IL11: variants seen among roughly 807,000 people sequenced by gnomAD.
IL11 encodes the protein interleukin-11.
In IL11, 17 loss-of-function variants were observed where a neutral mutation model predicts 18.1. That is an observed-to-expected ratio of 0.94 (90% confidence interval 0.64 to 1.41). The LOEUF is 1.41. Ranked by LOEUF, IL11 falls within the 40% of genes most tolerant of loss-of-function variation. The pLI is 0.00. For missense variants in IL11, 309 were observed against 262.8 expected, an observed-to-expected ratio of 1.18 and a Z score of -1.22; for synonymous variants, 144 against 134.1, an observed-to-expected ratio of 1.07 and a Z score of -0.51.
chr19:55,368,630 C>T, intron 2 of IL11, 61 bp from the exon 3 acceptor site: 1 of 1,519,178 alleles, frequency 6.6e-7, no homozygotes, highest in Non-Finnish European at 8.9e-7. Flanking sequence ...CTCCATCCCC[C>T]ACGCCAGGCC....
chr19:55,370,181 C>T, intron 1 of IL11, 123 bp downstream of exon 1: 4 of 748,126 alleles, frequency 5.3e-6, no homozygotes, highest in Non-Finnish European at 9.4e-6. Context: ...CTGCTCTCCT[C>T]CCCGGCTGCC....
In IL11 at chr19:55,364,781, T is replaced by A. The variant is rs1371897435; in HGVS notation, c.*1226A>T. The A allele has an allele frequency of 6.6e-6, 1 of 152,204 alleles. No homozygotes were observed. The highest frequency in any genetic ancestry group is 1.5e-5 in the Non-Finnish European group (1 of 68,042). The allele number at this position is 152,204 out of a possible 1,614,324, so 9.4% of individuals were successfully genotyped here. The stretch of plus-strand genomic sequence containing the variant: ...GATTACAGGCGTGAGCCACCATGCC[T>A]GGCCAATGTCAGGATATCTTTCTAT... On this transcript the variant is annotated 3_prime_UTR_variant, in exon 5 of 5. Transcript: ENST00000264563.
Position 55,369,525 on chromosome 19 carries a change from G to T in IL11, c.8-584C>A, listed in dbSNP as rs1055723018. Among the ~76,000 whole-genome samples the T allele has an allele frequency of 6.6e-6, 1 of 151,458 alleles. No homozygotes were observed. The highest frequency in any genetic ancestry group is 2.4e-5 in the African/African-American group (1 of 41,278). On this transcript the variant is annotated intron_variant, in intron 1 of 4. Coordinates refer to ENST00000264563, the MANE Select transcript of IL11 (RefSeq NM_000641.4). This position sits in a 1 kb window ranked among gnomAD's most constrained non-coding sequence, Gnocchi z 6.1. ...TAGACGCCCTCCCAGGAGCCCCGCC[G>T]GGTGGGCGGCAGAAGCCCGGGCCGC...
intron 3 of IL11, 55 bp downstream of exon 3, chr19:55,368,428 G>T: frequency 6.3e-7 from 1 of 1,576,286 alleles, no homozygotes. Context: ...CATCCTCCCC[G>T]CCCCCTTCAC....
chr19:55,368,343 G>T lies in IL11; in HGVS notation c.296C>A (p.Ala99Glu). 1.3e-6 allele frequency: 2 copies of T among 1,598,754 alleles called. No individual in the cohort carries two copies. Among genetic ancestry groups the T allele is most frequent in the South Asian group, 1.1e-5 (1 of 89,466 alleles). ...GTGCCGCAGGTAGGACAGTAGGTCC[G>T]CTCGCAGCCTTGTCAGCACACCTGG... ...QLPGVLTRLR[A>E]DLLSYLRHVQ... The change falls in exon 4 of 5, where the codon GCG (alanine) becomes GAG (glutamate). Residue 99 changes from alanine to glutamate, a missense_variant. Ala to Glu is a moderately radical substitution (Grantham distance 107). Transcript: ENST00000264563.
At position 55,369,229 on chromosome 19, in the gene IL11, G is replaced by A; in HGVS notation, c.8-288C>T. ...GTGGAACGCCCGCGGGCAGGTCGCA[G>A]GGCCAGGCGGGCTTCCCTCTCCCTC... On this transcript the variant is annotated intron_variant, in intron 1 of 4. Transcript: ENST00000264563. The surrounding 1 kb of genome is among the most constrained non-coding windows in gnomAD (Gnocchi z 6.1). 1 of 267,216 alleles carries A rather than the reference G, an allele frequency of 3.7e-6. No homozygotes were observed. The highest frequency in any genetic ancestry group is 6.5e-5 in the East Asian group (1 of 15,490). 16.6% of individuals were successfully genotyped at this position (267,216 alleles called of 1,614,324 possible). A position where few individuals can be genotyped will look rare whatever the true frequency, so the allele number is the denominator to read the frequency against.
In IL11 at chr19:55,365,738, T is replaced by A. The variant is rs1427399465; in HGVS notation, c.*269A>T. 6 of 496,224 alleles carry A rather than the reference T, an allele frequency of 1.2e-5. No individual in the cohort carries two copies. The highest frequency in any genetic ancestry group is 2.1e-5 in the African/African-American group (1 of 48,682). 30.7% of individuals were successfully genotyped at this position (496,224 alleles called of 1,614,324 possible). On this transcript the variant is annotated 3_prime_UTR_variant, in exon 5 of 5. Transcript: ENST00000264563. ...ATGGGGAAGAGCCAGGGCAGAAGTCTGTGGACAGACTTCTTGGAGACCCAA... is the reference window on the plus strand; with the variant it reads ...ATGGGGAAGAGCCAGGGCAGAAGTCAGTGGACAGACTTCTTGGAGACCCAA...
At position 55,365,930 on chromosome 19, in the gene IL11, G is replaced by A; in HGVS notation, c.*77C>T. On this transcript the variant is annotated 3_prime_UTR_variant, in exon 5 of 5. Coordinates refer to ENST00000264563, the MANE Select transcript of IL11 (RefSeq NM_000641.4). ...ATAATGGCGGGGGGATCACCTGGCT[G>A]TTTCGCCCCCAGTACTGAAATAAAT... 1.9e-6 allele frequency: 3 copies of A among 1,544,028 alleles called. No homozygotes were observed. Among genetic ancestry groups the A allele is most frequent in the Non-Finnish European group, 8.7e-7 (1 of 1,144,648 alleles).
Position 55,365,853 on chromosome 19 carries a change from G to T in IL11, c.*154C>A. The T allele has an allele frequency of 1.6e-6, 2 of 1,213,026 alleles. No individual in the cohort carries two copies. Among genetic ancestry groups the T allele is most frequent in the Non-Finnish European group, 1.1e-6 (1 of 877,416 alleles). The allele number at this position is 1,213,026 out of a possible 1,614,324, so 75.1% of individuals were successfully genotyped here. On this transcript the variant is annotated 3_prime_UTR_variant, in exon 5 of 5. Transcript: ENST00000264563. ...TCCTGAAATAAATAAGTATAAATAA[G>T]GCACAGATGCCCCCCAGGCCTCACG...
intron 4 of IL11, among the ~76,000 whole-genome samples, chr19:55,367,547 G>A (rs1485068951): frequency 3.8e-5 from 5 of 133,156 alleles, no homozygotes; most frequent in African/African-American, 1.1e-4. Flanking sequence ...TGCAACCTCC[G>A]CCTCCCAGGT....
Position 55,366,756 on chromosome 19 carries a change from G to A in IL11, c.430-579C>T, listed in dbSNP as rs4252556. Among the ~76,000 whole-genome samples the A allele has an allele frequency of 0.97, 147,241 of 152,198 alleles. 71,332 individuals are homozygous for A. The highest frequency in any genetic ancestry group is 0.99 in the Non-Finnish European group (67,393 of 68,030). On this transcript the variant is annotated intron_variant, in intron 4 of 4. Coordinates refer to ENST00000264563, the MANE Select transcript of IL11 (RefSeq NM_000641.4). This position sits in a 1 kb window ranked among gnomAD's most constrained non-coding sequence, Gnocchi z 4.6. ...GAGCCCAGGAGGCGGAGGTTCCAGCGAGCCGAAATGGCACCATTGCACTCT... is the reference window on the plus strand; with the variant it reads ...GAGCCCAGGAGGCGGAGGTTCCAGCAAGCCGAAATGGCACCATTGCACTCT...
In IL11 at chr19:55,364,535, C is replaced by A. The variant is rs2123236123; in HGVS notation, c.*1472G>T. ...CCTTTGACCTGGAGACAGTCATTGTCAACATTTTGGCGTATTTCCCTTTAG... is the reference window on the plus strand; with the variant it reads ...CCTTTGACCTGGAGACAGTCATTGTAAACATTTTGGCGTATTTCCCTTTAG... On this transcript the variant is annotated 3_prime_UTR_variant, in exon 5 of 5. Coordinates refer to ENST00000264563, the MANE Select transcript of IL11 (RefSeq NM_000641.4). 6.6e-6 allele frequency: 1 copy of A among 152,278 alleles called. No individual in the cohort carries two copies. Among genetic ancestry groups the A allele is most frequent in the East Asian group, 1.9e-4 (1 of 5,192 alleles). 9.4% of individuals were successfully genotyped at this position (152,278 alleles called of 1,614,324 possible).
chr19:55,368,732 C>T, intron 2 of IL11, 37 bp downstream of exon 2: 1 of 1,544,990 alleles, frequency 6.5e-7, no homozygotes, highest in Non-Finnish European at 8.8e-7. Flanking sequence ...CTCTCTGCCT[C>T]TCACTCCTGT....
At position 55,366,145 on chromosome 19, in the gene IL11, C is replaced by G; in HGVS notation, c.462G>C (p.Pro154=). 1.3e-6 allele frequency: 2 copies of G among 1,507,930 alleles called. No homozygotes were observed. Among genetic ancestry groups the G allele is most frequent in the South Asian group, 2.5e-5 (2 of 81,100 alleles). The allele number at this position is 1,507,930 out of a possible 1,614,324, so 93.4% of individuals were successfully genotyped here. ...MSRLALPQPP[P]DPPAPPLAPP... ...GCGCCAGCGGGGGCGCCGGCGGGTC[C>G]GGGGGTGGCTGGGGCAGGGCCAGGC... The change falls in exon 5 of 5, where the codon CCG becomes CCC. Residue 154 remains proline, a synonymous_variant. Transcript: ENST00000264563. The surrounding 1 kb of genome is among the most constrained non-coding windows in gnomAD (Gnocchi z 4.6).
chr19:55,368,773 T>C lies in IL11; in HGVS notation c.176A>G (p.Gln59Arg), dbSNP rs1213722439. 1.3e-6 allele frequency: 2 copies of C among 1,580,296 alleles called. No individual in the cohort carries two copies. Among genetic ancestry groups the C allele is most frequent in the South Asian group, 2.3e-5 (2 of 86,170 alleles). The stretch of plus-strand genomic sequence containing the variant: ...CCCCAGCCCAGTCTCTCCTACCAGC[T>C]GTGCAGCCAGCTGCCGCGTGTCCGC... ...LLADTRQLAA[Q>R]LRDKFPADGD... Residue 59 changes from glutamine (Q) to arginine (R), a missense_variant, in exon 2 of 5, where the codon CAG (glutamine) becomes CGG (arginine). Transcript: ENST00000264563.
At chr19:55,367,959 C>CCTCAGGGT (rs1322975565) in intron 4 of IL11, among the ~76,000 whole-genome samples, 1 of 151,844 alleles carries the variant, frequency 6.6e-6, no homozygotes, top group African/African-American at 2.4e-5. Context: ...GGGTCTAGGG[C>CCTCAGGGT]CTCAGGGTCT....
chr19:55,368,913 C>T lies in IL11; in HGVS notation c.36G>A (p.Leu12=). ...NCVCRLVLVV[L]SLWPDTAVAP... ...CGACAGCTGTATCTGGCCACAGGCT[C>T]AGCACGACCAGGACCAGGCGGCAAA... Residue 12 remains leucine, a synonymous_variant, in exon 2 of 5, where the codon CTG becomes CTA. Coordinates refer to ENST00000264563, the MANE Select transcript of IL11 (RefSeq NM_000641.4). 6.5e-7 allele frequency: 1 copy of T among 1,543,410 alleles called. No homozygotes were observed. Among genetic ancestry groups the T allele is most frequent in the Non-Finnish European group, 8.8e-7 (1 of 1,141,568 alleles).
chr19:55,370,009 A>G (rs2089812707), intron 1 of IL11, among the ~76,000 whole-genome samples: 1 of 151,570 alleles, frequency 6.6e-6, no homozygotes, highest in African/African-American at 2.4e-5. Context: ...CCCTCCCGGC[A>G]CCAGTCCCTG....
In IL11 at chr19:55,369,028, G is replaced by GGA. The variant is rs1357922546; in HGVS notation, c.8-89_8-88dup. The GGA allele has an allele frequency of 1.4e-5, 17 of 1,220,070 alleles. No homozygotes were observed. The highest frequency in any genetic ancestry group is 1.8e-5 in the Non-Finnish European group (16 of 893,794). The allele number at this position is 1,220,070 out of a possible 1,614,324, so 75.6% of individuals were successfully genotyped here. A position where few individuals can be genotyped will look rare whatever the true frequency, so the allele number is the denominator to read the frequency against. On this transcript the variant is annotated intron_variant, in intron 1 of 4. Transcript: ENST00000264563. This position sits in a 1 kb window ranked among gnomAD's most constrained non-coding sequence, Gnocchi z 6.1. ...GGCCTGGACTCCCGGGTCTGAGGGA[G>GGA]GAGGAACTGGGGTCTGGACTCCTCC...
Sources: allele counts gnomAD v4.1 joint callset (sites outside exome capture counted in the v4.1 genomes callset), GRCh38; gene constraint gnomAD v4.1.1; non-coding constraint Gnocchi (gnomAD v3.1); transcripts MANE v1.5; gene names NCBI Gene and HGNC (gene_info 2026-07-23, HGNC 2026-07-21).